Variants in CNGB3 observed in about 807,000 individuals in gnomAD.
CNGB3 encodes the protein cyclic nucleotide gated channel subunit beta 3.
CNGB3 carries 86 observed loss-of-function variants against 92.8 expected under a neutral mutation model. The observed-to-expected ratio is 0.93, with a 90% confidence interval of 0.78 to 1.11. CNGB3 has a LOEUF of 1.11. Ranked by LOEUF, CNGB3 falls within the 50% of genes least tolerant of loss-of-function variation. The probability of loss-of-function intolerance (pLI) is 0.00; values close to 1 mark genes in which losing one functional copy is unlikely to be tolerated. For missense variants in CNGB3, 1,026 were observed against 956.8 expected (o/e 1.07, Z -0.95); for synonymous variants, 333 against 332.7 (o/e 1.00, Z -0.01).
intron 6 of CNGB3, among the ~76,000 whole-genome samples, chr8:86,654,361 C>T (rs912034081): frequency 6.6e-6 from 1 of 152,146 alleles, no homozygotes; most frequent in Admixed American, 6.6e-5. Flanking sequence ...CTTCTTCCTG[C>T]TTCTCTCATT....
chr8:86,646,269 C>T (rs1823291068), intron 8 of CNGB3, among the ~76,000 whole-genome samples: 1 of 151,096 alleles, frequency 6.6e-6, no homozygotes, highest in Non-Finnish European at 1.5e-5. Context: ...TTTATTCTCA[C>T]ATTCCATGGT....
At chr8:86,626,101 C>G in intron 12 of CNGB3, 21 bp from the exon 13 acceptor site, 1 of 1,545,662 alleles carries the variant, frequency 6.5e-7, no homozygotes, top group Non-Finnish European at 8.9e-7. Context: ...ATAAACACAT[C>G]AAACCCCGAT....
In CNGB3 at chr8:86,626,126, G is replaced by T. The variant is rs1234857075; in HGVS notation, c.1481-46C>A. The T allele has an allele frequency of 3.5e-6, 5 of 1,441,854 alleles. No homozygotes were observed. In the Admixed American group the frequency reaches 6.8e-5, roughly 20 times the overall value. 89.3% of individuals were successfully genotyped at this position (1,441,854 alleles called of 1,614,324 possible). ...CAAACCCCGATGCAGAATAATTAAT[G>T]AAATAAGTCACCAAGGTACAAGTAG... is the stretch of plus-strand genomic sequence containing the variant. On this transcript the variant is annotated intron_variant, in intron 12 of 17. Coordinates refer to ENST00000320005, the MANE Select transcript of CNGB3 (RefSeq NM_019098.5).
At chr8:86,591,640 G>C (rs1485225622) in intron 15 of CNGB3, among the ~76,000 whole-genome samples, 1 of 152,228 alleles carries the variant, frequency 6.6e-6, no homozygotes, top group Non-Finnish European at 1.5e-5. Flanking sequence ...GTGCCTCCCA[G>C]TTAGGCTGCT....
intron 3 of CNGB3, among the ~76,000 whole-genome samples, chr8:86,717,256 A>T (rs1824872955): frequency 6.6e-6 from 1 of 152,094 alleles, no homozygotes; most frequent in Non-Finnish European, 1.5e-5. Context: ...ATAGACGGCA[A>T]CACAATAATA....
intron 15 of CNGB3, among the ~76,000 whole-genome samples, chr8:86,585,789 A>C (rs1821879057): frequency 6.6e-6 from 1 of 152,136 alleles, no homozygotes; most frequent in African/African-American, 2.4e-5. Flanking sequence ...CACAACAATA[A>C]GCTTGCTAGG....
chr8:86,648,705 T>C (rs1384918897), intron 7 of CNGB3, among the ~76,000 whole-genome samples: 2 of 151,142 alleles, frequency 1.3e-5, no homozygotes, highest in Non-Finnish European at 3.0e-5. Context: ...TAATAGGGTA[T>C]ATGAAAAACT....
At chr8:86,606,062 A>G (rs906801404) in intron 14 of CNGB3, among the ~76,000 whole-genome samples, 9 of 152,012 alleles carry the variant, frequency 5.9e-5, no homozygotes, top group African/African-American at 1.4e-4. Context: ...CCTAGAACCC[A>G]CATCTCCTAA....
At chr8:86,737,229 T>G (rs1427413259) in intron 2 of CNGB3, among the ~76,000 whole-genome samples, 1 of 152,184 alleles carries the variant, frequency 6.6e-6, no homozygotes, top group Non-Finnish European at 1.5e-5. Flanking sequence ...GTGAATTTTC[T>G]TCCCCTTTTT....
At chr8:86,584,700 A>G (rs926014859) in intron 15 of CNGB3, among the ~76,000 whole-genome samples, 3 of 152,320 alleles carry the variant, frequency 2.0e-5, no homozygotes, top group Admixed American at 1.3e-4. Context: ...GCTGGAGTAC[A>G]AAGAGTTGAG....
At chr8:86,600,776 A>ATT (rs533111246) in intron 15 of CNGB3, among the ~76,000 whole-genome samples, 2,307 of 38,374 alleles carry the variant, frequency 0.06, 212 homozygotes, top group Non-Finnish European at 0.079. Flanking sequence ...CGCTCGGCTA[A>ATT]TTTTTTTTTT....
At chr8:86,708,653 G>T (rs1256132621) in intron 3 of CNGB3, among the ~76,000 whole-genome samples, 2 of 140,444 alleles carry the variant, frequency 1.4e-5, no homozygotes, top group Non-Finnish European at 3.0e-5. Flanking sequence ...CTGTAGCCTC[G>T]ACTTCCTGGG....
At chr8:86,607,652 A>G (rs1822436997) in intron 14 of CNGB3, among the ~76,000 whole-genome samples, 1 of 152,140 alleles carries the variant, frequency 6.6e-6, no homozygotes, top group Non-Finnish European at 1.5e-5. Context: ...GAGGTCCCAG[A>G]AATTGGTGCT....
At chr8:86,620,683 G>A (rs1454229054) in intron 13 of CNGB3, among the ~76,000 whole-genome samples, 1 of 152,070 alleles carries the variant, frequency 6.6e-6, no homozygotes, top group Non-Finnish European at 1.5e-5. Context: ...CAGCTCCCTG[G>A]GTGCATAGGT....
At chr8:86,645,034 C>T (rs1259275450) in intron 8 of CNGB3, among the ~76,000 whole-genome samples, 1 of 151,208 alleles carries the variant, frequency 6.6e-6, no homozygotes, top group Non-Finnish European at 1.5e-5. Context: ...TCTCCAAAAA[C>T]ATACATAAAA....
chr8:86,586,644 T>C (rs1821900479), intron 15 of CNGB3, among the ~76,000 whole-genome samples: 1 of 151,586 alleles, frequency 6.6e-6, no homozygotes, highest in African/African-American at 2.4e-5. Flanking sequence ...ATTTCATCCA[T>C]GTCCCTACAA....
intron 15 of CNGB3, among the ~76,000 whole-genome samples, chr8:86,600,679 G>A (rs182086512): frequency 1.5e-3 from 219 of 149,178 alleles, no homozygotes; most frequent in African/African-American, 5.3e-3. Flanking sequence ...GCGCGATCTC[G>A]GCTCACTGCA....
rs1212692294 is a variant in CNGB3 at position 86,611,766 on chromosome 8, T to C, written c.1579-95A>G. On this transcript the variant is annotated intron_variant, in intron 13 of 17. Coordinates refer to ENST00000320005, the MANE Select transcript of CNGB3 (RefSeq NM_019098.5). ...AATGAAAATAAACAGTAATATATAT[T>C]GTCTGCATTAGCATAAAAATATTAA... 6.6e-6 allele frequency: 6 copies of C among 902,708 alleles called. No homozygotes were observed. The South Asian group carries it at 7.2e-5, about 11-fold the overall frequency. The allele number at this position is 902,708 out of a possible 1,614,324, so 55.9% of individuals were successfully genotyped here. A position where few individuals can be genotyped will look rare whatever the true frequency, so the allele number is the denominator to read the frequency against.
chr8:86,574,426 G>GA lies in CNGB3; in HGVS notation c.*1377dup, dbSNP rs1243680441. On this transcript the variant is annotated 3_prime_UTR_variant, in exon 18 of 18. Transcript: ENST00000320005. ...ATTTGTCCATATTCCCTTAAATCCT[G>GA]AAAAAACCAACCATCCTTTAGTAAA... 6.6e-6 allele frequency: 1 copy of GA among 152,096 alleles called. No homozygotes were observed. The highest frequency in any genetic ancestry group is 2.1e-4 in the South Asian group (1 of 4,822). The allele number at this position is 152,096 out of a possible 1,614,324, so 9.4% of individuals were successfully genotyped here.
Sources: gnomAD v4.1 joint callset for allele counts (sites outside exome capture counted in the v4.1 genomes callset) on GRCh38, gnomAD v4.1.1 for gene constraint, MANE v1.5 for transcripts, NCBI Gene and HGNC (gene_info 2026-07-23, HGNC 2026-07-21) for gene names.